The following SIRT6 variants were observed in gnomAD, a reference collection of about 807,000 sequenced individuals.
SIRT6 encodes NAD-dependent protein deacylase sirtuin-6.
Under a neutral mutation model 33.6 loss-of-function variants are expected in SIRT6, and 21 were observed. That is an observed-to-expected ratio of 0.62 (90% confidence interval 0.44 to 0.90). SIRT6 has a LOEUF of 0.90. Ranked by LOEUF, SIRT6 falls within the 40% of genes least tolerant of loss-of-function variation. The pLI is 0.00. For missense variants in SIRT6, 504 were observed against 510.6 expected, an observed-to-expected ratio of 0.99 and a Z score of 0.12; for synonymous variants, 221 against 223.9, an observed-to-expected ratio of 0.99 and a Z score of 0.12.
At chr19:4,182,056 G>A (rs1417710488) in intron 1 of SIRT6, among the ~76,000 whole-genome samples, 1 of 152,024 alleles carries the variant, frequency 6.6e-6, no homozygotes, top group Non-Finnish European at 1.5e-5. Flanking sequence ...GGATCTTTCT[G>A]GCACATTCTG....
chr19:4,177,317 C>T (rs1967365979), intron 3 of SIRT6, among the ~76,000 whole-genome samples, 179 bp from the exon 4 acceptor site: 1 of 152,050 alleles, frequency 6.6e-6, no homozygotes, highest in African/African-American at 2.4e-5. Flanking sequence ...ATCTGCTGTG[C>T]ATCTCTGGGC....
At chr19:4,176,092 TAACGGGCTGG>T (rs1344319786) in intron 4 of SIRT6, among the ~76,000 whole-genome samples, 155 bp from the exon 5 acceptor site, 2 of 152,038 alleles carry the variant, frequency 1.3e-5, no homozygotes, top group Non-Finnish European at 2.9e-5. Context: ...CTTCCATGAA[TAACGGGCTGG>T]GATGCTGCTC....
intron 1 of SIRT6, 170 bp downstream of exon 1, chr19:4,182,304 G>T (rs1967742323): frequency 1.3e-5 from 8 of 635,698 alleles, no homozygotes; most frequent in Non-Finnish European, 2.1e-5. Flanking sequence ...GGGCGTGTTG[G>T]CGTCCCCCGG....
chr19:4,174,469 C>T lies in SIRT6; in HGVS notation c.*148G>A. 1 of 682,220 alleles carries T rather than the reference C, an allele frequency of 1.5e-6. No homozygotes were observed. The highest frequency in any genetic ancestry group is 2.2e-6 in the Non-Finnish European group (1 of 457,890). The allele number at this position is 682,220 out of a possible 1,614,324, so 42.3% of individuals were successfully genotyped here. On this transcript the variant is annotated 3_prime_UTR_variant, in exon 8 of 8. Transcript: ENST00000337491. This position sits in a 1 kb window ranked among gnomAD's most constrained non-coding sequence, Gnocchi z 4.2. ...AGGCCCCTGGAGCCCAGGGAGGGAC[C>T]ACGGAGGGCAGGTGTAACCCCTGGC...
Position 4,174,437 on chromosome 19 carries a change from G to A in SIRT6, c.*180C>T, listed in dbSNP as rs1237352573. The A allele has an allele frequency of 1.2e-5, 6 of 501,602 alleles. No individual in the cohort carries two copies. Among genetic ancestry groups the A allele is most frequent in the East Asian group, 6.8e-5 (2 of 29,608 alleles). 31.1% of individuals were successfully genotyped at this position (501,602 alleles called of 1,614,324 possible). Reference sequence around the variant, plus strand: ...TGGGGTGTGGCTTCTTCCCGGAACCGCACCAGAGGCCCCTGGAGCCCAGGG... The same window carrying A: ...TGGGGTGTGGCTTCTTCCCGGAACCACACCAGAGGCCCCTGGAGCCCAGGG... On this transcript the variant is annotated 3_prime_UTR_variant, in exon 8 of 8. Coordinates refer to ENST00000337491, the MANE Select transcript of SIRT6 (RefSeq NM_016539.4). This position sits in a 1 kb window ranked among gnomAD's most constrained non-coding sequence, Gnocchi z 4.2.
At chr19:4,182,241 G>T in intron 1 of SIRT6, 1 of 509,078 alleles carries the variant, frequency 2.0e-6, no homozygotes, top group Non-Finnish European at 3.5e-6. Flanking sequence ...CCCTCTTCCT[G>T]GAACTACATC....
At chr19:4,181,042 C>T (rs983069412) in intron 1 of SIRT6, 133 bp from the exon 2 acceptor site, 7 of 1,187,492 alleles carry the variant, frequency 5.9e-6, no homozygotes, top group Admixed American at 5.8e-5. Flanking sequence ...AGCTTGTCCT[C>T]ATGCCCCTCC....
intron 2 of SIRT6, among the ~76,000 whole-genome samples, chr19:4,180,408 G>A (rs1360260378): frequency 4.6e-5 from 7 of 151,998 alleles, no homozygotes; most frequent in Admixed American, 4.6e-4. Flanking sequence ...TTTTTAGACG[G>A]AGCCTCACTC....
At chr19:4,176,009 G>A in intron 4 of SIRT6, 72 bp from the exon 5 acceptor site, 1 of 1,378,216 alleles carries the variant, frequency 7.3e-7, no homozygotes, top group South Asian at 1.3e-5. Context: ...TGTTTCTAGG[G>A]TGACGTTCTC....
At chr19:4,179,001 C>T in intron 3 of SIRT6, 103 bp downstream of exon 3, 1 of 1,429,218 alleles carries the variant, frequency 7.0e-7, no homozygotes, top group East Asian at 2.4e-5. Flanking sequence ...GAACTCAGGG[C>T]TAGAATCTTA....
At position 4,182,428 on chromosome 19, in the gene SIRT6, C is replaced by G. The variant is rs752708026; in HGVS notation, c.66+46G>C. On this transcript the variant is annotated intron_variant, in intron 1 of 7. Transcript: ENST00000337491. Reference sequence around the variant, plus strand: ...CCCCCTGCCATCCGGCCGCTCCCAGCCCGCGGCCCTGGGGCGCGATGCTCG... The same window carrying G: ...CCCCCTGCCATCCGGCCGCTCCCAGGCCGCGGCCCTGGGGCGCGATGCTCG... 4 of 1,576,244 alleles carry G rather than the reference C, an allele frequency of 2.5e-6. No individual in the cohort carries two copies. In the Admixed American group the frequency reaches 7.3e-5, roughly 29 times the overall value.
intron 1 of SIRT6, chr19:4,182,223 C>T: frequency 4.0e-6 from 2 of 496,098 alleles, no homozygotes; most frequent in Non-Finnish European, 7.1e-6. Context: ...CCCTTTGCGC[C>T]TGTCGTCCCC....
At position 4,175,890 on chromosome 19, in the gene SIRT6, G is replaced by A. The variant is rs1464699976; in HGVS notation, c.485C>T (p.Thr162Met). The A allele has an allele frequency of 5.1e-6, 8 of 1,568,952 alleles. No individual in the cohort carries two copies. Among genetic ancestry groups the A allele is most frequent in the Non-Finnish European group, 6.9e-6 (8 of 1,157,288 alleles). ...CTTAGCCACGGTGCAGAGCCGGCCCGTGGCCTTCAGGCCCATGGTGCCCAC... is the reference window on the plus strand; with the variant it reads ...CTTAGCCACGGTGCAGAGCCGGCCCATGGCCTTCAGGCCCATGGTGCCCAC... Reference protein sequence around the residue: ...TVVGTMGLKATGRLCTVAKAR... With the variant: ...TVVGTMGLKAMGRLCTVAKAR... Residue 162 changes from threonine to methionine, a missense_variant, in exon 5 of 8, where the codon ACG (threonine) becomes ATG (methionine). Coordinates refer to ENST00000337491, the MANE Select transcript of SIRT6 (RefSeq NM_016539.4).
At chr19:4,178,283 C>T (rs1378899028) in intron 3 of SIRT6, among the ~76,000 whole-genome samples, 1 of 152,024 alleles carries the variant, frequency 6.6e-6, no homozygotes, top group African/African-American at 2.4e-5. Flanking sequence ...CCTCGGCCTC[C>T]CAAAGTGCTG....
At chr19:4,175,236 G>A in intron 6 of SIRT6, 85 bp from the exon 7 acceptor site, 1 of 1,492,444 alleles carries the variant, frequency 6.7e-7, no homozygotes, top group Non-Finnish European at 8.9e-7. Context: ...TCACACCTAG[G>A]CCATCTGTGC....
Position 4,174,740 on chromosome 19 carries a change from G to T in SIRT6, c.945C>A (p.Pro315=). The change falls in exon 8 of 8, where the codon CCC becomes CCA. Residue 315 remains proline, a synonymous_variant. Transcript: ENST00000337491. The surrounding 1 kb of genome is among the most constrained non-coding windows in gnomAD (Gnocchi z 4.2). Reference sequence around the variant, plus strand: ...TGTGCTGGGCGCAGGGCTCCTGCTTGGGGCCGGCGGGGATAGAGCCGTTGA... The same window carrying T: ...TGTGCTGGGCGCAGGGCTCCTGCTTTGGGCCGGCGGGGATAGAGCCGTTGA... ...TRINGSIPAG[P]KQEPCAQHNG... 2 of 1,484,522 alleles carry T rather than the reference G, an allele frequency of 1.3e-6. No individual in the cohort carries two copies. Among genetic ancestry groups the T allele is most frequent in the Non-Finnish European group, 9.0e-7 (1 of 1,116,610 alleles). 92.0% of individuals were successfully genotyped at this position (1,484,522 alleles called of 1,614,324 possible). A position where few individuals can be genotyped will look rare whatever the true frequency, so the allele number is the denominator to read the frequency against.
rs753077829 is a variant in SIRT6, at chr19:4,174,688, G to A, written c.997C>T (p.Arg333Trp). Residue 333 changes from arginine to tryptophan, a missense_variant, in exon 8 of 8, where the codon CGG becomes TGG. Physicochemically the swap from Arg to Trp is moderately radical, Grantham distance 101 (BLOSUM62 -3). Coordinates refer to ENST00000337491, the MANE Select transcript of SIRT6 (RefSeq NM_016539.4). This position sits in a 1 kb window ranked among gnomAD's most constrained non-coding sequence, Gnocchi z 4.2. The stretch of plus-strand genomic sequence containing the variant: ...GGGGCAGGGCTGGTGGGCCGCTCCC[G>A]TTTGGGGCTGGCGGGCTCTGAGCCG... ...HNGSEPASPKRERPTSPAPHR... is the reference protein window; with the variant it reads ...HNGSEPASPKWERPTSPAPHR... 33 of 1,461,834 alleles carry A rather than the reference G, an allele frequency of 2.3e-5. No homozygotes were observed. In the East Asian group the frequency reaches 4.2e-4, roughly 19 times the overall value. 90.6% of individuals were successfully genotyped at this position (1,461,834 alleles called of 1,614,324 possible).
chr19:4,180,840 T>C lies in SIRT6; in HGVS notation c.136A>G (p.Ser46Gly). The change falls in exon 2 of 8, where the codon AGT becomes GGT. Residue 46 changes from serine (S) to glycine (G), a missense_variant. Ser to Gly is a moderately conservative substitution (Grantham distance 56). Coordinates refer to ENST00000337491, the MANE Select transcript of SIRT6 (RefSeq NM_016539.4). Reference sequence around the variant, plus strand: ...CCGGCACCCGTGTGGAACACCACACTGGAAGACTGCCAGACCAGCCTCGCC... The same window carrying C: ...CCGGCACCCGTGTGGAACACCACACCGGAAGACTGCCAGACCAGCCTCGCC... ...ELARLVWQSS[S>G]VVFHTGAGIS... 6.2e-7 allele frequency: 1 copy of C among 1,613,664 alleles called. No homozygotes were observed.
In SIRT6 at chr19:4,175,942, G is replaced by A. The variant is rs1967278202; in HGVS notation, c.438-5C>T. ...ACTGTGTCTCGGACGTACTGCCTGT[G>A]TCAGGGAGGAAGGGGGAGGATGGGA... is the stretch of plus-strand genomic sequence containing the variant. On this transcript the variant is annotated splice_polypyrimidine_tract_variant and splice_region_variant and intron_variant, in intron 4 of 7. Coordinates refer to ENST00000337491, the MANE Select transcript of SIRT6 (RefSeq NM_016539.4). 4 of 1,561,332 alleles carry A rather than the reference G, an allele frequency of 2.6e-6. No homozygotes were observed. The highest frequency in any genetic ancestry group is 3.5e-6 in the Non-Finnish European group (4 of 1,152,828).
Sources: allele counts gnomAD v4.1 joint callset (sites outside exome capture counted in the v4.1 genomes callset), GRCh38; gene constraint gnomAD v4.1.1; non-coding constraint Gnocchi (gnomAD v3.1); transcripts MANE v1.5; gene names NCBI Gene and HGNC (gene_info 2026-07-23, HGNC 2026-07-21).